DCDC1: variants seen among roughly 807,000 people sequenced by gnomAD.
DCDC1 encodes the protein doublecortin domain containing 1.
In DCDC1, 200 loss-of-function variants were observed where a neutral mutation model predicts 178.3. The observed-to-expected ratio is 1.12, with a 90% CI of 1.00 to 1.26. DCDC1 has a LOEUF of 1.26. DCDC1 is among the 50% of genes most tolerant of loss of function. The pLI is 0.00. For missense variants in DCDC1, 1,983 were observed against 1,749.2 expected, an observed-to-expected ratio of 1.13 and a Z score of -2.38; for synonymous variants, 690 against 604.8, an observed-to-expected ratio of 1.14 and a Z score of -2.07.
intron 10 of DCDC1, among the ~76,000 whole-genome samples, chr11:31,135,013 T>TA: frequency 6.6e-6 from 1 of 152,184 alleles, no homozygotes; most frequent in South Asian, 2.1e-4. Context: ...AAAAAATTTT[T>TA]AAAAAAATTT....
At chr11:31,047,245 T>C (rs913051820) in intron 20 of DCDC1, among the ~76,000 whole-genome samples, 5 of 152,170 alleles carry the variant, frequency 3.3e-5, no homozygotes, top group African/African-American at 1.2e-4. Flanking sequence ...AGGTTCACAC[T>C]GAAGGATGAT....
intron 9 of DCDC1, among the ~76,000 whole-genome samples, chr11:31,157,390 T>TATAC (rs1965840513): frequency 7.0e-6 from 1 of 142,574 alleles, no homozygotes. Context: ...TATATATACA[T>TATAC]ATATATACAC....
At chr11:30,935,709 A>G (rs868657551) in intron 21 of DCDC1, among the ~76,000 whole-genome samples, 1 of 152,084 alleles carries the variant, frequency 6.6e-6, no homozygotes, top group South Asian at 2.1e-4. Context: ...GAGTGCTACC[A>G]CGCCCAGCTA....
In DCDC1 at chr11:30,883,639, C is replaced by T. The variant is rs919252996; in HGVS notation, c.5083-2331G>A. 6 of 212,846 alleles carry T rather than the reference C, an allele frequency of 2.8e-5. 1 individual carries two copies. Among genetic ancestry groups the T allele is most frequent in the African/African-American group, 7.1e-5 (3 of 42,182 alleles). 13.2% of individuals were successfully genotyped at this position (212,846 alleles called of 1,614,324 possible). A position where few individuals can be genotyped will look rare whatever the true frequency, so the allele number is the denominator to read the frequency against. On this transcript the variant is annotated intron_variant, in intron 36 of 38. Coordinates refer to ENST00000684477, the MANE Select transcript of DCDC1 (RefSeq NM_001387274.1). Reference sequence around the variant, plus strand: ...TATTTACACTTCGTTTTCTGTAACACTGAATACCAAAGAAAATGAAGCAAA... The same window carrying T: ...TATTTACACTTCGTTTTCTGTAACATTGAATACCAAAGAAAATGAAGCAAA...
intron 9 of DCDC1, among the ~76,000 whole-genome samples, chr11:31,223,754 T>C (rs748647523): frequency 5.3e-5 from 8 of 152,154 alleles, no homozygotes; most frequent in Admixed American, 2.6e-4. Flanking sequence ...GAGTGACATG[T>C]ATAGTATATC....
At chr11:30,998,206 C>T (rs1033442364) in intron 20 of DCDC1, among the ~76,000 whole-genome samples, 1 of 152,024 alleles carries the variant, frequency 6.6e-6, no homozygotes, top group African/African-American at 2.4e-5. Context: ...ATGGGAGAAT[C>T]ACTTGAGCCC....
intron 7 of DCDC1, among the ~76,000 whole-genome samples, chr11:31,273,857 A>G (rs1945773577): frequency 6.6e-6 from 1 of 152,192 alleles, no homozygotes; most frequent in Non-Finnish European, 1.5e-5. Flanking sequence ...GTAGAAGGCA[A>G]ATCGGAGCAA....
intron 20 of DCDC1, among the ~76,000 whole-genome samples, chr11:31,038,632 ATT>A (rs1954234534): frequency 6.6e-6 from 1 of 152,232 alleles, no homozygotes; most frequent in African/African-American, 2.4e-5. Context: ...GTATCCAAAA[ATT>A]ATTTTGTTTG....
chr11:31,314,427 A>G (rs1948943378), intron 3 of DCDC1: 1 of 152,192 alleles, frequency 6.6e-6, no homozygotes, highest in Non-Finnish European at 1.5e-5. Flanking sequence ...TTAGTGGCTT[A>G]AAATAACATC....
intron 9 of DCDC1, among the ~76,000 whole-genome samples, chr11:31,213,951 G>T (rs1286238617): frequency 6.6e-6 from 1 of 152,002 alleles, no homozygotes; most frequent in Non-Finnish European, 1.5e-5. Flanking sequence ...AATATGCCTA[G>T]AAAATGTTAT....
chr11:31,058,067 T>C (rs940090274), intron 20 of DCDC1, among the ~76,000 whole-genome samples: 2 of 152,000 alleles, frequency 1.3e-5, no homozygotes, highest in Non-Finnish European at 2.9e-5. Flanking sequence ...GTTTAGAACA[T>C]AGAACATGCT....
intron 8 of DCDC1, among the ~76,000 whole-genome samples, chr11:31,261,645 C>T (rs1028711880): frequency 1.3e-5 from 2 of 151,978 alleles, no homozygotes; most frequent in African/African-American, 4.8e-5. Flanking sequence ...AAATACTACA[C>T]CATTTTATAT....
At chr11:31,110,978 GAA>G (rs34133645) in intron 11 of DCDC1, among the ~76,000 whole-genome samples, 49,130 of 150,448 alleles carry the variant, frequency 0.33, 9,558 homozygotes, top group East Asian at 0.67. Flanking sequence ...ACTCGCTGGG[GAA>G]AAAAAAAAAT....
At chr11:31,127,411 T>C (rs1961793869) in intron 11 of DCDC1, 58 bp downstream of exon 11, 1 of 630,074 alleles carries the variant, frequency 1.6e-6, no homozygotes, top group Non-Finnish European at 2.9e-6. Flanking sequence ...TGTTTTCAAA[T>C]GGAGCAGAAT....
At chr11:31,101,852 G>A (rs1958524825) in intron 15 of DCDC1, among the ~76,000 whole-genome samples, 2 of 152,098 alleles carry the variant, frequency 1.3e-5, no homozygotes, top group African/African-American at 2.4e-5. Context: ...CGAGGTGGAC[G>A]GATCACTTGA....
At chr11:31,279,823 C>T (rs1050826280) in intron 7 of DCDC1, among the ~76,000 whole-genome samples, 4 of 151,904 alleles carry the variant, frequency 2.6e-5, no homozygotes, top group African/African-American at 4.8e-5. Context: ...CACCATGGCA[C>T]GTGTATACCT....
chr11:30,924,461 C>CT (rs907523414), intron 23 of DCDC1, among the ~76,000 whole-genome samples: 31 of 151,452 alleles, frequency 2.0e-4, no homozygotes, highest in African/African-American at 5.8e-4. Flanking sequence ...AGGAAGGTAT[C>CT]TTTTTTTTTA....
intron 10 of DCDC1, among the ~76,000 whole-genome samples, chr11:31,128,411 C>G (rs1034407617): frequency 1.3e-5 from 2 of 152,026 alleles, no homozygotes; most frequent in African/African-American, 2.4e-5. Context: ...CATTTTCACC[C>G]ATATAGTTTA....
intron 20 of DCDC1, among the ~76,000 whole-genome samples, chr11:31,024,223 T>A (rs951981365): frequency 1.3e-5 from 2 of 152,004 alleles, no homozygotes; most frequent in Non-Finnish European, 2.9e-5. Flanking sequence ...AGGCATTATG[T>A]GGCAATGGTA....
Sources: gnomAD v4.1 joint callset for allele counts (sites outside exome capture counted in the v4.1 genomes callset) on GRCh38, gnomAD v4.1.1 for gene constraint, MANE v1.5 for transcripts, NCBI Gene and HGNC (gene_info 2026-07-23, HGNC 2026-07-21) for gene names.